COL6A2: variants seen among roughly 807,000 people sequenced by gnomAD.
COL6A2 encodes collagen type VI alpha 2 chain.
In COL6A2, 90 loss-of-function variants were observed where a neutral mutation model predicts 124.9. The ratio of observed to expected loss-of-function variants is 0.72; its 90% CI spans 0.61 to 0.86. The LOEUF is 0.86. COL6A2 is among the 40% of genes least tolerant of loss of function. COL6A2 has a pLI of 0.00. For missense variants in COL6A2, 1,607 were observed against 1,502.5 expected, an observed-to-expected ratio of 1.07 and a Z score of -1.15; for synonymous variants, 793 against 618.2, an observed-to-expected ratio of 1.28 and a Z score of -4.19.
intron 26 of COL6A2, 103 bp from the exon 27 acceptor site, chr21:46,126,400 G>A: frequency 1.9e-6 from 3 of 1,555,872 alleles, no homozygotes; most frequent in African/African-American, 2.7e-5. Context: ...GCAGGGCAGA[G>A]GCCAGCTGCA....
chr21:46,130,159 G>A (rs73908544), intron 27 of COL6A2, among the ~76,000 whole-genome samples: 5,318 of 152,300 alleles, frequency 0.035, 306 homozygotes, highest in African/African-American at 0.12. Flanking sequence ...ATCTGGGCTG[G>A]TGTCATGCAC....
intron 27 of COL6A2, chr21:46,129,770 T>G: frequency 7.6e-7 from 1 of 1,312,400 alleles, no homozygotes; most frequent in Non-Finnish European, 9.7e-7. Context: ...CCACCCCAAG[T>G]CCAGAATGAC....
At chr21:46,113,222 G>A (rs951744546) in intron 4 of COL6A2, among the ~76,000 whole-genome samples, 2 of 152,196 alleles carry the variant, frequency 1.3e-5, no homozygotes, top group South Asian at 2.1e-4. Context: ...TCAGGAAGGG[G>A]AGCAGGCATC....
rs1244139162 is a variant in COL6A2 at position 46,112,563 on chromosome 21, A to T, written c.700A>T (p.Ile234Phe). Reference protein sequence around the residue: ...TEIDQDTINRIIKVMKHEAYG... With the variant: ...TEIDQDTINRFIKVMKHEAYG... Reference sequence around the variant, plus strand: ...GATCGACCAGGACACCATCAACCGCATCATCAAGGTCATGGTGAGCCGCGG... The same window carrying T: ...GATCGACCAGGACACCATCAACCGCTTCATCAAGGTCATGGTGAGCCGCGG... Residue 234 changes from isoleucine to phenylalanine, a missense_variant, in exon 3 of 28, where the codon ATC becomes TTC. Physicochemically the swap from Ile to Phe is conservative, Grantham distance 21. This residue lies in a region of COL6A2 where 342 missense variants were observed against 381.5 expected (regional missense o/e 0.90). Transcript: ENST00000300527. 6.2e-7 allele frequency: 1 copy of T among 1,611,750 alleles called. No homozygotes were observed. Among genetic ancestry groups the T allele is most frequent in the Non-Finnish European group, 8.5e-7 (1 of 1,179,814 alleles).
At chr21:46,112,765 G>T (rs781305349) in intron 3 of COL6A2, 39 bp from the exon 4 acceptor site, 2 of 1,613,574 alleles carry the variant, frequency 1.2e-6, no homozygotes, top group South Asian at 1.1e-5. Flanking sequence ...CCCAGGTCTC[G>T]AGGCACACGG....
intron 20 of COL6A2, 26 bp from the exon 21 acceptor site, chr21:46,122,849 A>G: frequency 6.2e-7 from 1 of 1,610,010 alleles, no homozygotes. Flanking sequence ...CCTCTGTCCC[A>G]GGCTAACATG....
chr21:46,100,510 G>A (rs13051395), intron 1 of COL6A2, among the ~76,000 whole-genome samples: 71,392 of 151,944 alleles, frequency 0.47, 17,683 homozygotes, highest in Admixed American at 0.57. Flanking sequence ...GTCCATCTCC[G>A]GAACTCTTTT....
At chr21:46,113,259 C>CA (rs923163362) in intron 4 of COL6A2, among the ~76,000 whole-genome samples, 5 of 152,162 alleles carry the variant, frequency 3.3e-5, no homozygotes, top group African/African-American at 1.2e-4. Context: ...AGGCTTCCTG[C>CA]AAAAACGTGC....
chr21:46,129,502 C>A, intron 27 of COL6A2: 1 of 1,552,244 alleles, frequency 6.4e-7, no homozygotes, highest in African/African-American at 1.4e-5. Flanking sequence ...AGCCCGGGCA[C>A]CCGCCCAGCC....
intron 23 of COL6A2, 127 bp from the exon 24 acceptor site, chr21:46,125,139 C>T (rs945876829): frequency 5.4e-5 from 59 of 1,084,696 alleles, no homozygotes; most frequent in Non-Finnish European, 3.4e-5. Flanking sequence ...ACAGGACCCG[C>T]CAGCCTCCCC....
intron 21 of COL6A2, among the ~76,000 whole-genome samples, chr21:46,123,607 G>C (rs2078602325): frequency 6.6e-6 from 1 of 151,574 alleles, no homozygotes; most frequent in African/African-American, 2.4e-5. Flanking sequence ...GAAGATGGAT[G>C]AATGGATGGA....
At position 46,116,822 on chromosome 21, in the gene COL6A2, G is replaced by T; in HGVS notation, c.999+8G>T. The T allele has an allele frequency of 1.2e-6, 2 of 1,612,802 alleles. No individual in the cohort carries two copies. The highest frequency in any genetic ancestry group is 1.7e-6 in the Non-Finnish European group (2 of 1,179,970). ...GGGACCGATGGACAGAAGGTAGAGG[G>T]AGCCTCGGGCTCACAGCTGGACTGG... On this transcript the variant is annotated splice_region_variant and intron_variant, in intron 10 of 27. Coordinates refer to ENST00000300527, the MANE Select transcript of COL6A2 (RefSeq NM_001849.4). This position sits in a 1 kb window ranked among gnomAD's most constrained non-coding sequence, Gnocchi z 4.6.
intron 15 of COL6A2, among the ~76,000 whole-genome samples, chr21:46,120,140 T>TCACACCCCCGGCCCCCACTGAGGCACCG (rs2078540334): frequency 1.3e-5 from 1 of 74,268 alleles, no homozygotes. Context: ...CTGAGGCACC[T>TCACACCCCCGGCCCCCACTGAGGCACCG]CTTACCCCCA....
chr21:46,111,248 C>T (rs1304851395), intron 1 of COL6A2, among the ~76,000 whole-genome samples: 3 of 152,226 alleles, frequency 2.0e-5, no homozygotes, highest in Non-Finnish European at 4.4e-5. Flanking sequence ...CATCTGTGAC[C>T]CCACCCAGGG....
Position 46,132,412 on chromosome 21 carries a change from C to T in COL6A2, c.2920C>T (p.Leu974=). ...MRKQNVVPTV[L]ALGSDVDMDV... ...CAAGCAGAACGTGGTACCCACCGTG[C>T]TGGCCTTGGGCAGCGACGTGGACAT... The change falls in exon 28 of 28, where the codon CTG becomes TTG. Residue 974 remains leucine (L), a synonymous_variant. Coordinates refer to ENST00000300527, the MANE Select transcript of COL6A2 (RefSeq NM_001849.4). 1.9e-6 allele frequency: 3 copies of T among 1,608,176 alleles called. No individual in the cohort carries two copies.
At chr21:46,130,871 A>G (rs1209818505) in intron 27 of COL6A2, among the ~76,000 whole-genome samples, 2 of 151,802 alleles carry the variant, frequency 1.3e-5, no homozygotes, top group South Asian at 2.1e-4. Context: ...CACTGAGGGA[A>G]CCCCATCTGC....
At chr21:46,127,429 A>G (rs1041076562) in intron 27 of COL6A2, among the ~76,000 whole-genome samples, 1 of 152,146 alleles carries the variant, frequency 6.6e-6, no homozygotes, top group Non-Finnish European at 1.5e-5. Context: ...CCGTGGACTC[A>G]GAGCCGAGGT....
At chr21:46,129,257 C>T (rs142101194) in intron 27 of COL6A2, 105 of 1,612,836 alleles carry the variant, frequency 6.5e-5, no homozygotes, top group East Asian at 8.9e-5. Flanking sequence ...AGGGGCCGGA[C>T]GCCACCTTCC....
At chr21:46,120,645 A>G (rs1257589973) in intron 16 of COL6A2, 68 bp downstream of exon 16, 4 of 1,369,860 alleles carry the variant, frequency 2.9e-6, no homozygotes, top group East Asian at 5.1e-5. Context: ...GCTGCACCCC[A>G]AGGTAGGGTG....
Sources: allele counts gnomAD v4.1 joint callset (sites outside exome capture counted in the v4.1 genomes callset), GRCh38; gene constraint gnomAD v4.1.1; regional missense constraint gnomAD v4.1.1; non-coding constraint Gnocchi (gnomAD v3.1); transcripts MANE v1.5; gene names NCBI Gene and HGNC (gene_info 2026-07-23, HGNC 2026-07-21).